Variants in CTDSPL2 observed in about 807,000 individuals in gnomAD.
CTDSPL2 encodes CTD small phosphatase like 2.
A neutral mutation model predicts 60.0 loss-of-function variants in CTDSPL2; 5 were observed. That is an observed-to-expected ratio of 0.08 (90% CI 0.04 to 0.18). The LOEUF is 0.18. Among genes scored for constraint, CTDSPL2 ranks in the 10% least tolerant of loss-of-function variants. The pLI is 1.00. For missense variants in CTDSPL2, 370 were observed against 548.8 expected (o/e 0.67, Z 3.26); for synonymous variants, 186 against 189.3 (o/e 0.98, Z 0.14).
intron 1 of CTDSPL2, among the ~76,000 whole-genome samples, chr15:44,439,535 G>GT (rs144857202): frequency 0.1 from 15,332 of 147,046 alleles, 1,627 homozygotes; most frequent in African/African-American, 0.26. Context: ...GTATTTTTAT[G>GT]TTTTTTTTGG....
chr15:44,459,484 C>T (rs754431654), intron 2 of CTDSPL2, among the ~76,000 whole-genome samples: 25 of 152,220 alleles, frequency 1.6e-4, no homozygotes, highest in Admixed American at 1.0e-3. Flanking sequence ...GCCGAGATCG[C>T]ACCACTGCAC....
At chr15:44,438,137 G>C (rs1375331365) in intron 1 of CTDSPL2, among the ~76,000 whole-genome samples, 1 of 152,260 alleles carries the variant, frequency 6.6e-6, no homozygotes, top group East Asian at 1.9e-4. Flanking sequence ...GGTGGTGGGC[G>C]CCTGTAGTCC....
At chr15:44,431,937 TG>T (rs1244388291) in intron 1 of CTDSPL2, among the ~76,000 whole-genome samples, 1 of 151,796 alleles carries the variant, frequency 6.6e-6, no homozygotes, top group East Asian at 1.9e-4. Flanking sequence ...TTGGTCAGGC[TG>T]GTCACGAGCT....
intron 3 of CTDSPL2, 127 bp downstream of exon 3, chr15:44,484,489 T>C: frequency 1.0e-5 from 9 of 902,926 alleles, no homozygotes; most frequent in Non-Finnish European, 1.5e-5. Flanking sequence ...AATCCTCACA[T>C]TTTGGGAGGC....
At chr15:44,510,283 C>G (rs1388216232) in intron 8 of CTDSPL2, among the ~76,000 whole-genome samples, 1 of 152,158 alleles carries the variant, frequency 6.6e-6, no homozygotes, top group Non-Finnish European at 1.5e-5. Context: ...CAGGCGTGAG[C>G]CACCATGCCT....
intron 7 of CTDSPL2, among the ~76,000 whole-genome samples, chr15:44,497,800 C>A (rs1040986535): frequency 4.6e-5 from 7 of 151,978 alleles, no homozygotes; most frequent in Non-Finnish European, 8.8e-5. Flanking sequence ...AGTTTGAGAC[C>A]AGCCTGACCA....
At chr15:44,481,421 A>G (rs370241167) in intron 2 of CTDSPL2, among the ~76,000 whole-genome samples, 1 of 152,184 alleles carries the variant, frequency 6.6e-6, no homozygotes, top group East Asian at 1.9e-4. Flanking sequence ...AGTAGTATCA[A>G]TAACATAGTA....
At chr15:44,441,626 C>G (rs762805255) in intron 1 of CTDSPL2, among the ~76,000 whole-genome samples, 1 of 152,068 alleles carries the variant, frequency 6.6e-6, no homozygotes, top group Non-Finnish European at 1.5e-5. Flanking sequence ...CAGGTGAGCC[C>G]GTGCTTGCTT....
chr15:44,435,271 A>G (rs2079952941), intron 1 of CTDSPL2, among the ~76,000 whole-genome samples: 2 of 151,602 alleles, frequency 1.3e-5, no homozygotes, highest in Non-Finnish European at 2.9e-5. Flanking sequence ...AAAAAAAAAA[A>G]AAAAAAGAAT....
At chr15:44,461,074 G>A (rs2080557191) in intron 2 of CTDSPL2, among the ~76,000 whole-genome samples, 1 of 152,156 alleles carries the variant, frequency 6.6e-6, no homozygotes, top group Non-Finnish European at 1.5e-5. Context: ...ATACAGGGCA[G>A]CTATTTCTAG....
intron 1 of CTDSPL2, among the ~76,000 whole-genome samples, chr15:44,435,889 G>A (rs1225475554): frequency 6.6e-6 from 1 of 152,110 alleles, no homozygotes; most frequent in Non-Finnish European, 1.5e-5. Flanking sequence ...TTACAGGTGT[G>A]AGCCATCGCA....
chr15:44,458,115 C>G (rs1165381925), intron 1 of CTDSPL2, among the ~76,000 whole-genome samples: 16 of 152,120 alleles, frequency 1.1e-4, no homozygotes, highest in Admixed American at 1.0e-3. Flanking sequence ...ATAGCCTTTA[C>G]TAGTCCTTTT....
chr15:44,508,887 C>T (rs896956369), intron 8 of CTDSPL2, among the ~76,000 whole-genome samples: 1 of 152,256 alleles, frequency 6.6e-6, no homozygotes, highest in Non-Finnish European at 1.5e-5. Flanking sequence ...CACTGCACTC[C>T]AGCCTGGGTG....
chr15:44,434,435 C>T (rs1297596405), intron 1 of CTDSPL2, among the ~76,000 whole-genome samples: 1 of 152,140 alleles, frequency 6.6e-6, no homozygotes, highest in Non-Finnish European at 1.5e-5. Context: ...ACTCTCTCAC[C>T]TAGGCTGGAG....
intron 1 of CTDSPL2, among the ~76,000 whole-genome samples, chr15:44,445,302 C>A (rs1187466951): frequency 1.3e-5 from 2 of 152,116 alleles, no homozygotes; most frequent in Non-Finnish European, 2.9e-5. Flanking sequence ...ATCCTCCCAC[C>A]TCAGCCTCCC....
intron 1 of CTDSPL2, among the ~76,000 whole-genome samples, chr15:44,432,869 G>A (rs536359155): frequency 6.6e-6 from 1 of 151,822 alleles, no homozygotes; most frequent in Non-Finnish European, 1.5e-5. Flanking sequence ...TGATCCACCT[G>A]CCTCGGTCTC....
At position 44,478,574 on chromosome 15, in the gene CTDSPL2, A is replaced by T. The variant is rs117203704; in HGVS notation, c.187-5650A>T. On this transcript the variant is annotated intron_variant, in intron 2 of 12. Transcript: ENST00000260327. ...AGTTTTGCTGGATATAAAATCCTTAACTCACATTTTTTCTTGGTTATTTTA... is the reference window on the plus strand; with the variant it reads ...AGTTTTGCTGGATATAAAATCCTTATCTCACATTTTTTCTTGGTTATTTTA... Among the ~76,000 whole-genome samples, 585 of 151,772 alleles carry T rather than the reference A, an allele frequency of 3.9e-3. 2 individuals carry two copies. The highest frequency in any genetic ancestry group is 5.6e-3 in the Non-Finnish European group (383 of 67,978).
chr15:44,476,532 A>C (rs944944184), intron 2 of CTDSPL2, among the ~76,000 whole-genome samples: 2 of 152,164 alleles, frequency 1.3e-5, no homozygotes, highest in African/African-American at 4.8e-5. Context: ...GGTGCCAGGT[A>C]ATGATGTTTA....
chr15:44,443,278 C>T (rs1455335811), intron 1 of CTDSPL2, among the ~76,000 whole-genome samples: 14 of 152,128 alleles, frequency 9.2e-5, no homozygotes, highest in African/African-American at 4.8e-5. Context: ...ATTGTGTGTA[C>T]GTACCACATT....
Sources: allele counts gnomAD v4.1 joint callset (sites outside exome capture counted in the v4.1 genomes callset), GRCh38; gene constraint gnomAD v4.1.1; transcripts MANE v1.5; gene names NCBI Gene and HGNC (gene_info 2026-07-23, HGNC 2026-07-21).